Variants in FGGY observed in about 807,000 individuals in gnomAD.
FGGY encodes FGGY carbohydrate kinase domain containing, also known as FGGY carbohydrate kinase domain-containing protein.
FGGY carries 72 observed loss-of-function variants against 71.3 expected under a neutral mutation model. The ratio of observed to expected loss-of-function variants is 1.01; its 90% CI spans 0.84 to 1.23. The LOEUF (loss-of-function observed/expected upper bound fraction) is 1.23, where lower values mean the gene tolerates loss of function less well. FGGY is among the 50% of genes most tolerant of loss of function. The probability of loss-of-function intolerance (pLI) is 0.00; values close to 1 mark genes in which losing one functional copy is unlikely to be tolerated. For synonymous variants in FGGY, 251 were observed against 250.3 expected, an observed-to-expected ratio of 1.00 and a Z score of -0.02; for missense variants, 668 against 682.3, an observed-to-expected ratio of 0.98 and a Z score of 0.23.
intron 2 of FGGY, among the ~76,000 whole-genome samples, chr1:59,335,306 C>T (rs1444709527): frequency 2.0e-5 from 3 of 152,098 alleles, no homozygotes; most frequent in East Asian, 1.9e-4. Context: ...AATCACATAG[C>T]GTGCTTTCTT....
chr1:59,591,502 A>G (rs951999691), intron 8 of FGGY, among the ~76,000 whole-genome samples: 4 of 148,750 alleles, frequency 2.7e-5, no homozygotes, highest in Non-Finnish European at 6.0e-5. Context: ...AGCCAAAAGA[A>G]CAAACTGGAG....
chr1:59,470,772 T>C (rs1289350411), intron 6 of FGGY, among the ~76,000 whole-genome samples: 1 of 152,254 alleles, frequency 6.6e-6, no homozygotes, highest in Non-Finnish European at 1.5e-5. Flanking sequence ...TTCAATGTTC[T>C]GAATTTTTCC....
chr1:59,748,346 G>A (rs1404574419), intron 14 of FGGY, among the ~76,000 whole-genome samples: 1 of 152,138 alleles, frequency 6.6e-6, no homozygotes, highest in Non-Finnish European at 1.5e-5. Flanking sequence ...TAGATGTTTA[G>A]GAGAGTGCAC....
chr1:59,416,381 A>G (rs1450169604), intron 5 of FGGY, among the ~76,000 whole-genome samples: 1 of 152,200 alleles, frequency 6.6e-6, no homozygotes, highest in African/African-American at 2.4e-5. Context: ...AAGGGTCTTT[A>G]GTGGGGGCGA....
chr1:59,387,334 T>C (rs2153368141), intron 5 of FGGY, among the ~76,000 whole-genome samples: 1 of 152,282 alleles, frequency 6.6e-6, no homozygotes, highest in African/African-American at 2.4e-5. Context: ...TTGACATCTG[T>C]ATAGTATCCT....
At chr1:59,437,832 C>T (rs2068811826) in intron 5 of FGGY, among the ~76,000 whole-genome samples, 1 of 152,166 alleles carries the variant, frequency 6.6e-6, no homozygotes, top group Non-Finnish European at 1.5e-5. Flanking sequence ...GAATCTGAGC[C>T]AATTTAGTCT....
At chr1:59,450,869 T>C (rs2072541502) in intron 5 of FGGY, among the ~76,000 whole-genome samples, 1 of 152,098 alleles carries the variant, frequency 6.6e-6, no homozygotes, top group South Asian at 2.1e-4. Flanking sequence ...TTTTTGTTTG[T>C]ATTTGTTGTA....
intron 8 of FGGY, among the ~76,000 whole-genome samples, chr1:59,588,225 G>A (rs1330017047): frequency 2.0e-5 from 3 of 152,118 alleles, no homozygotes; most frequent in Admixed American, 6.5e-5. Context: ...GAAATGAAGC[G>A]AGAAGGGAAG....
chr1:59,300,002 G>A (rs977498183), intron 1 of FGGY, among the ~76,000 whole-genome samples: 3 of 152,108 alleles, frequency 2.0e-5, no homozygotes, highest in Non-Finnish European at 4.4e-5. Context: ...CTGACATATT[G>A]ATTCTTTGAA....
rs1327267120 is a variant in FGGY, at chr1:59,652,512, A to G, written c.1222-7707A>G. 2.5e-4 allele frequency among the ~76,000 whole-genome samples: 36 copies of G among 143,190 alleles called. 1 individual carries two copies. Among genetic ancestry groups the G allele is most frequent in the African/African-American group, 8.3e-4 (31 of 37,154 alleles). The allele number at this position is 143,190 out of a possible 152,430, so 93.9% of individuals were successfully genotyped here. On this transcript the variant is annotated intron_variant, in intron 11 of 15. Transcript: ENST00000303721. ...CTTCATTTCATTCATTTCATCTTCCATTGCTGATACCCTTTCTTCCAGTTG... is the reference window on the plus strand; with the variant it reads ...CTTCATTTCATTCATTTCATCTTCCGTTGCTGATACCCTTTCTTCCAGTTG...
chr1:59,557,280 G>C (rs1230367274), intron 8 of FGGY, among the ~76,000 whole-genome samples: 1 of 152,156 alleles, frequency 6.6e-6, no homozygotes, highest in African/African-American at 2.4e-5. Flanking sequence ...TTTTCAGCAT[G>C]ATCTGAAGGA....
At chr1:59,533,675 G>A (rs774655890) in intron 7 of FGGY, among the ~76,000 whole-genome samples, 1 of 152,108 alleles carries the variant, frequency 6.6e-6, no homozygotes, top group South Asian at 2.1e-4. Context: ...GCCTCCTTAA[G>A]TGGGTCCCTG....
intron 7 of FGGY, among the ~76,000 whole-genome samples, chr1:59,528,177 A>G (rs1286324777): frequency 1.3e-5 from 2 of 152,396 alleles, no homozygotes; most frequent in East Asian, 3.8e-4. Context: ...CAGAAAGAGC[A>G]AAGTTGAATC....
chr1:59,409,916 T>C (rs2063352678), intron 5 of FGGY, among the ~76,000 whole-genome samples: 1 of 152,162 alleles, frequency 6.6e-6, no homozygotes, highest in Non-Finnish European at 1.5e-5. Context: ...GTGTATTACC[T>C]CCATTTTAGA....
chr1:59,455,027 G>A (rs1031181648), intron 5 of FGGY, among the ~76,000 whole-genome samples: 4 of 152,194 alleles, frequency 2.6e-5, no homozygotes, highest in Non-Finnish European at 4.4e-5. Flanking sequence ...ACCATGTAAT[G>A]GACAAACGAT....
At position 59,406,695 on chromosome 1, in the gene FGGY, A is replaced by G. The variant is rs138912594; in HGVS notation, c.554+27858A>G. Among the ~76,000 whole-genome samples, 79 of 152,312 alleles carry G rather than the reference A, an allele frequency of 5.2e-4. 1 individual carries two copies. The East Asian group carries it at 0.012, about 23-fold the overall frequency. ...GTATTTCCCTTAGGAACAATGGTCC[A>G]GTGTTCCCTAATTTAATGTTTTTGG... On this transcript the variant is annotated intron_variant, in intron 5 of 15. Coordinates refer to ENST00000303721, the MANE Select transcript of FGGY (RefSeq NM_018291.5).
At chr1:59,652,899 C>A (rs1027998627) in intron 11 of FGGY, among the ~76,000 whole-genome samples, 1 of 152,118 alleles carries the variant, frequency 6.6e-6, no homozygotes, top group Non-Finnish European at 1.5e-5. Flanking sequence ...TACTTTTGGT[C>A]TTTGATGATG....
chr1:59,502,801 A>G (rs964358598), intron 6 of FGGY, among the ~76,000 whole-genome samples: 3 of 152,302 alleles, frequency 2.0e-5, no homozygotes, highest in Admixed American at 6.5e-5. Flanking sequence ...TGTAAAATGT[A>G]TACACTGAAG....
chr1:59,680,316 G>T (rs964910105), intron 14 of FGGY, among the ~76,000 whole-genome samples: 1 of 151,880 alleles, frequency 6.6e-6, no homozygotes, highest in Non-Finnish European at 1.5e-5. Flanking sequence ...CCATATGTCA[G>T]TGTCCCTCAG....
Sources: gnomAD v4.1 joint callset for allele counts (sites outside exome capture counted in the v4.1 genomes callset) on GRCh38, gnomAD v4.1.1 for gene constraint, MANE v1.5 for transcripts, NCBI Gene and HGNC (gene_info 2026-07-23, HGNC 2026-07-21) for gene names.